Variants in ZNF804A observed in about 807,000 individuals in gnomAD.
ZNF804A encodes zinc finger protein 804A.
ZNF804A carries 2 observed loss-of-function variants against 16.5 expected under a neutral mutation model. The observed-to-expected ratio is 0.12, with a 90% confidence interval of 0.05 to 0.38. The LOEUF (loss-of-function observed/expected upper bound fraction) is 0.38, where lower values mean the gene tolerates loss of function less well. ZNF804A is among the 10% of genes least tolerant of loss of function. The probability of loss-of-function intolerance (pLI) is 0.99; values close to 1 mark genes in which losing one functional copy is unlikely to be tolerated. For synonymous variants in ZNF804A, 534 were observed against 489.6 expected (o/e 1.09, Z -1.20); for missense variants, 1,473 against 1,390.7 (o/e 1.06, Z -0.94).
In ZNF804A at chr2:184,845,444, A is replaced by T. The variant is rs147492730; in HGVS notation, c.112-20925A>T. On this transcript the variant is annotated intron_variant, in intron 1 of 3. Coordinates refer to ENST00000302277, the MANE Select transcript of ZNF804A (RefSeq NM_194250.2). Reference sequence around the variant, plus strand: ...TCTTTCTCCCCCAGGCCTTTATTCCATTTTTGGCTACAGAGTTTCCTGTCA... The same window carrying T: ...TCTTTCTCCCCCAGGCCTTTATTCCTTTTTTGGCTACAGAGTTTCCTGTCA... 3.3e-5 allele frequency among the ~76,000 whole-genome samples: 5 copies of T among 151,868 alleles called. No homozygotes were observed. The East Asian group carries it at 9.7e-4, about 30-fold the overall frequency.
chr2:184,837,806 T>C (rs1300879431), intron 1 of ZNF804A, among the ~76,000 whole-genome samples: 1 of 152,140 alleles, frequency 6.6e-6, no homozygotes, highest in Non-Finnish European at 1.5e-5. Context: ...ATACAAGCAT[T>C]TCTCCACTTA....
intron 1 of ZNF804A, among the ~76,000 whole-genome samples, chr2:184,815,868 C>A (rs956092493): frequency 6.6e-6 from 1 of 151,970 alleles, no homozygotes; most frequent in African/African-American, 2.4e-5. Context: ...AAAAAGGCCA[C>A]AATTTGATTT....
intron 1 of ZNF804A, among the ~76,000 whole-genome samples, chr2:184,653,972 C>T (rs375534831): frequency 3.3e-5 from 5 of 152,094 alleles, no homozygotes; most frequent in African/African-American, 7.2e-5. Flanking sequence ...CATCAGGAAA[C>T]GGCCTTTCCC....
Position 184,814,119 on chromosome 2 carries a change from G to T in ZNF804A, c.112-52250G>T, listed in dbSNP as rs143081588. On this transcript the variant is annotated intron_variant, in intron 1 of 3. Transcript: ENST00000302277. Reference sequence around the variant, plus strand: ...TTGGCTGAAGACTGATTTCTCTCAGGGTAGGCAACTTGTGTTATTTTGAAA... The same window carrying T: ...TTGGCTGAAGACTGATTTCTCTCAGTGTAGGCAACTTGTGTTATTTTGAAA... Among the ~76,000 whole-genome samples, 380 of 148,276 alleles carry T rather than the reference G, an allele frequency of 2.6e-3. 1 individual carries two copies. The highest frequency in any genetic ancestry group is 7.0e-3 in the Middle Eastern group (2 of 284).
intron 1 of ZNF804A, among the ~76,000 whole-genome samples, chr2:184,729,385 A>T (rs2105746573): frequency 6.6e-6 from 1 of 152,078 alleles, no homozygotes; most frequent in Non-Finnish European, 1.5e-5. Flanking sequence ...GAAATACCTC[A>T]TGATCTCCCA....
At chr2:184,743,460 A>G (rs1693738593) in intron 1 of ZNF804A, among the ~76,000 whole-genome samples, 1 of 151,982 alleles carries the variant, frequency 6.6e-6, no homozygotes, top group Non-Finnish European at 1.5e-5. Flanking sequence ...TTCCAAGTAA[A>G]ATGTTTACTC....
intron 2 of ZNF804A, among the ~76,000 whole-genome samples, chr2:184,907,098 A>C (rs1365079040): frequency 6.6e-6 from 1 of 152,188 alleles, no homozygotes; most frequent in African/African-American, 2.4e-5. Flanking sequence ...ATGAGAACCC[A>C]GTCTTTGATC....
intron 1 of ZNF804A, among the ~76,000 whole-genome samples, chr2:184,706,177 C>T (rs1693027884): frequency 6.6e-6 from 1 of 152,130 alleles, no homozygotes; most frequent in African/African-American, 2.4e-5. Flanking sequence ...TGGATACAGC[C>T]CATGAGTTGG....
At chr2:184,607,857 T>G (rs998325164) in intron 1 of ZNF804A, among the ~76,000 whole-genome samples, 1 of 150,476 alleles carries the variant, frequency 6.6e-6, no homozygotes. Context: ...AGGACACAAC[T>G]CTAGTTGAAC....
chr2:184,859,925 C>A (rs1281385330), intron 1 of ZNF804A, among the ~76,000 whole-genome samples: 1 of 152,146 alleles, frequency 6.6e-6, no homozygotes, highest in African/African-American at 2.4e-5. Flanking sequence ...CGGGGTGGGC[C>A]ATGAGCCTGA....
intron 2 of ZNF804A, among the ~76,000 whole-genome samples, chr2:184,907,744 T>C (rs967941891): frequency 2.0e-5 from 3 of 152,152 alleles, no homozygotes; most frequent in Non-Finnish European, 4.4e-5. Context: ...ATACAAATCG[T>C]TAAAGGTTAC....
At chr2:184,850,233 C>T (rs938638036) in intron 1 of ZNF804A, among the ~76,000 whole-genome samples, 5 of 151,766 alleles carry the variant, frequency 3.3e-5, no homozygotes, top group Admixed American at 1.3e-4. Context: ...TAGAAGGTTC[C>T]TAACACAAAG....
chr2:184,626,608 C>T (rs1259464617), intron 1 of ZNF804A, among the ~76,000 whole-genome samples: 5 of 152,106 alleles, frequency 3.3e-5, no homozygotes, highest in Non-Finnish European at 7.4e-5. Context: ...ATGCTATCCT[C>T]TTGGTAATTT....
At chr2:184,814,690 C>A (rs1044715815) in intron 1 of ZNF804A, among the ~76,000 whole-genome samples, 5 of 151,970 alleles carry the variant, frequency 3.3e-5, no homozygotes, top group African/African-American at 1.2e-4. Flanking sequence ...CCTTTCTAAA[C>A]CTGAGTAGAT....
At chr2:184,928,921 G>A (rs1482854314) in intron 2 of ZNF804A, among the ~76,000 whole-genome samples, 1 of 152,206 alleles carries the variant, frequency 6.6e-6, no homozygotes, top group Non-Finnish European at 1.5e-5. Flanking sequence ...GTTGGGAGAA[G>A]GGAGGCATTG....
At chr2:184,829,907 A>C (rs1373464192) in intron 1 of ZNF804A, among the ~76,000 whole-genome samples, 5 of 107,404 alleles carry the variant, frequency 4.7e-5, no homozygotes, top group African/African-American at 2.6e-4. Flanking sequence ...ACCAAAAAAA[A>C]AAAAAAAAAA....
chr2:184,762,211 CT>C (rs35871982), intron 1 of ZNF804A, among the ~76,000 whole-genome samples: 121,555 of 137,944 alleles, frequency 0.88, 53,438 homozygotes, highest in East Asian at 0.94. Flanking sequence ...CTTTTCTTTT[CT>C]TTTTTTTTTT....
Position 184,828,020 on chromosome 2 carries a change from A to G in ZNF804A, c.112-38349A>G, listed in dbSNP as rs528413548. On this transcript the variant is annotated intron_variant, in intron 1 of 3. Transcript: ENST00000302277. ...ATGGTTTACCAAGAATAATATAAAA[A>G]TTACATAAAACATCATTAATGGTGG... Among the ~76,000 whole-genome samples, 247 of 152,056 alleles carry G rather than the reference A, an allele frequency of 1.6e-3. 4 individuals are homozygous for G. The highest frequency in any genetic ancestry group is 0.015 in the Admixed American group (236 of 15,246).
At chr2:184,674,265 A>C (rs1439679547) in intron 1 of ZNF804A, among the ~76,000 whole-genome samples, 1 of 151,944 alleles carries the variant, frequency 6.6e-6, no homozygotes, top group African/African-American at 2.4e-5. Context: ...CTTTTCTTTT[A>C]ATTGGTTGGC....
Sources: gnomAD v4.1 joint callset for allele counts (sites outside exome capture counted in the v4.1 genomes callset) on GRCh38, gnomAD v4.1.1 for gene constraint, MANE v1.5 for transcripts, NCBI Gene and HGNC (gene_info 2026-07-23, HGNC 2026-07-21) for gene names.